The following TRPC6 variants were observed in gnomAD, a reference collection of about 807,000 sequenced individuals.
TRPC6 encodes the protein transient receptor potential cation channel subfamily C member 6, also known as short transient receptor potential channel 6.
A neutral mutation model predicts 90.7 loss-of-function variants in TRPC6; 55 were observed. The ratio of observed to expected loss-of-function variants is 0.61; its 90% CI spans 0.49 to 0.76. TRPC6 has a LOEUF of 0.76. Ranked by LOEUF, TRPC6 falls within the 30% of genes least tolerant of loss-of-function variation. TRPC6 has a pLI of 0.00. For synonymous variants in TRPC6, 393 were observed against 393.0 expected (o/e 1.00, Z 0.00); for missense variants, 989 against 1,122.7 (o/e 0.88, Z 1.70).
chr11:101,553,805 T>G (rs1861503178), intron 1 of TRPC6, among the ~76,000 whole-genome samples: 1 of 152,012 alleles, frequency 6.6e-6, no homozygotes, highest in Non-Finnish European at 1.5e-5. Flanking sequence ...CATACATCAT[T>G]CTCTCCACAA....
At position 101,583,618 on chromosome 11, in the gene TRPC6, C is replaced by T. The variant is rs1488465564; in HGVS notation, c.-115G>A. The stretch of plus-strand genomic sequence containing the variant: ...GCGGCCGAACTGGACCTGGGCAGAC[C>T]GGTGCCCAGGGGACGACGGTGAAGC... On this transcript the variant is annotated 5_prime_UTR_variant, in exon 1 of 13. Coordinates refer to ENST00000344327, the MANE Select transcript of TRPC6 (RefSeq NM_004621.6). The T allele has an allele frequency of 5.0e-6, 6 of 1,204,104 alleles. No homozygotes were observed. The highest frequency in any genetic ancestry group is 3.0e-5 in the East Asian group (1 of 33,466). 74.6% of individuals were successfully genotyped at this position (1,204,104 alleles called of 1,614,324 possible).
rs926174897 is a variant in TRPC6, at chr11:101,476,631, C to T, written c.1511-97G>A. On this transcript the variant is annotated intron_variant, in intron 5 of 12. Coordinates refer to ENST00000344327, the MANE Select transcript of TRPC6 (RefSeq NM_004621.6). The stretch of plus-strand genomic sequence containing the variant: ...TTTGAAAGGTCTCAGCCTGACATTA[C>T]AAAACCCTTCAAAATTTGGTCCCAA... The T allele has an allele frequency of 2.7e-6, 3 of 1,117,404 alleles. No homozygotes were observed. In the East Asian group the frequency reaches 7.5e-5, roughly 28 times the overall value. The allele number at this position is 1,117,404 out of a possible 1,614,324, so 69.2% of individuals were successfully genotyped here.
At chr11:101,579,198 C>G (rs1186433766) in intron 1 of TRPC6, among the ~76,000 whole-genome samples, 1 of 152,070 alleles carries the variant, frequency 6.6e-6, no homozygotes, top group African/African-American at 2.4e-5. Context: ...ATGTTCTAAT[C>G]TGCATTTAGC....
chr11:101,505,441 A>G (rs529084681), intron 1 of TRPC6, among the ~76,000 whole-genome samples: 3 of 152,204 alleles, frequency 2.0e-5, no homozygotes, highest in Non-Finnish European at 4.4e-5. Flanking sequence ...CAAGCTGAAA[A>G]TGGAAGGATA....
intron 1 of TRPC6, among the ~76,000 whole-genome samples, chr11:101,552,439 C>G (rs938756704): frequency 5.3e-5 from 8 of 152,110 alleles, no homozygotes; most frequent in South Asian, 2.1e-4. Flanking sequence ...GTTTATATGT[C>G]AAGAAACAAA....
chr11:101,491,709 G>A lies in TRPC6; in HGVS notation c.975C>T (p.Cys325=), dbSNP rs763969955. The change falls in exon 3 of 13, where the codon TGC becomes TGT. Residue 325 remains cysteine (C), a synonymous_variant. Transcript: ENST00000344327. Reference sequence around the variant, plus strand: ...CAAGGAGTCCAACAACAAAGTCTTTGCACTGCATTGACAGTTTTTTGTAGT... The same window carrying A: ...CAAGGAGTCCAACAACAAAGTCTTTACACTGCATTGACAGTTTTTTGTAGT... ...KNDYKKLSMQ[C]KDFVVGLLDL... The A allele has an allele frequency of 4.3e-6, 7 of 1,613,634 alleles. No homozygotes were observed. In the Admixed American group the frequency reaches 1.2e-4, roughly 27 times the overall value.
intron 1 of TRPC6, among the ~76,000 whole-genome samples, chr11:101,514,161 GTTCA>G (rs762096606): frequency 3.0e-4 from 46 of 152,200 alleles, no homozygotes; most frequent in Non-Finnish European, 2.9e-4. Flanking sequence ...GATCGTAACA[GTTCA>G]TTCATTCATT....
intron 1 of TRPC6, among the ~76,000 whole-genome samples, chr11:101,576,188 C>T (rs1402458970): frequency 6.6e-6 from 1 of 152,242 alleles, no homozygotes; most frequent in East Asian, 1.9e-4. Flanking sequence ...TGAGTAGATG[C>T]TCTGAAGATC....
chr11:101,518,933 C>G (rs1447932754), intron 1 of TRPC6, among the ~76,000 whole-genome samples: 1 of 152,042 alleles, frequency 6.6e-6, no homozygotes. Context: ...TGAAATAAGC[C>G]AGGTACGGAA....
At chr11:101,500,908 A>T (rs1000889851) in intron 2 of TRPC6, among the ~76,000 whole-genome samples, 1 of 152,182 alleles carries the variant, frequency 6.6e-6, no homozygotes, top group Non-Finnish European at 1.5e-5. Context: ...TCCTTTGCAT[A>T]TATCTGAAGG....
At chr11:101,459,561 T>C (rs1858957641) in intron 10 of TRPC6, among the ~76,000 whole-genome samples, 1 of 152,226 alleles carries the variant, frequency 6.6e-6, no homozygotes, top group Non-Finnish European at 1.5e-5. Context: ...ATTTACAATA[T>C]ATAATATACA....
chr11:101,576,376 G>A (rs1027100327), intron 1 of TRPC6, among the ~76,000 whole-genome samples: 1 of 152,200 alleles, frequency 6.6e-6, no homozygotes, highest in Non-Finnish European at 1.5e-5. Context: ...ATGGCTGAGA[G>A]CTGAATTAGG....
chr11:101,515,696 T>C (rs1433911205), intron 1 of TRPC6, among the ~76,000 whole-genome samples: 1 of 152,198 alleles, frequency 6.6e-6, no homozygotes, highest in African/African-American at 2.4e-5. Flanking sequence ...TTACTTGTCA[T>C]AAAGTGAAAT....
chr11:101,556,869 G>A (rs1861571971), intron 1 of TRPC6, among the ~76,000 whole-genome samples: 1 of 152,114 alleles, frequency 6.6e-6, no homozygotes, highest in African/African-American at 2.4e-5. Flanking sequence ...ATGATCAGGT[G>A]GGATTAATTC....
In TRPC6 at chr11:101,452,959, C is replaced by A; in HGVS notation, c.2792G>T (p.Arg931Ile). The A allele has an allele frequency of 6.2e-7, 1 of 1,613,726 alleles. No individual in the cohort carries two copies. The highest frequency in any genetic ancestry group is 8.5e-7 in the Non-Finnish European group (1 of 1,179,752). Reference sequence around the variant, plus strand: ...ATTTCTAAGGAAGTCTTCGCATTATCTATTGGTTTCCTCTTGATTTGGTTC... The same window carrying A: ...ATTTCTAAGGAAGTCTTCGCATTATATATTGGTTTCCTCTTGATTTGGTTC... Reference protein sequence around the residue: ...SMEPNQEETNR With the variant: ...SMEPNQEETNI The change falls in exon 13 of 13, where the codon AGA becomes ATA. Residue 931 changes from arginine to isoleucine, a missense_variant. Arg to Ile is a moderately conservative substitution (Grantham distance 97). Transcript: ENST00000344327.
intron 1 of TRPC6, among the ~76,000 whole-genome samples, chr11:101,546,449 C>G (rs1861310158): frequency 6.6e-6 from 1 of 152,018 alleles, no homozygotes. Context: ...ATGGAGGTTC[C>G]TCGGTAACAA....
In TRPC6 at chr11:101,524,471, G is replaced by A. The variant is rs112854637; in HGVS notation, c.171-19673C>T. ...TCACCATGTTAGCCAGGATGGTCTC[G>A]ATCTCATGACCTCGTGATCCACCCA... On this transcript the variant is annotated intron_variant, in intron 1 of 12. Transcript: ENST00000344327. 4.6e-3 allele frequency among the ~76,000 whole-genome samples: 706 copies of A among 152,230 alleles called. 3 individuals are homozygous for A. Among genetic ancestry groups the A allele is most frequent in the African/African-American group, 0.016 (670 of 41,534 alleles).
chr11:101,555,173 A>G (rs1159423618), intron 1 of TRPC6, among the ~76,000 whole-genome samples: 2 of 152,168 alleles, frequency 1.3e-5, no homozygotes, highest in Non-Finnish European at 2.9e-5. Context: ...ATGATTATAC[A>G]ACTAAATCTC....
chr11:101,480,156 C>T (rs977102192), intron 5 of TRPC6, among the ~76,000 whole-genome samples: 4 of 152,058 alleles, frequency 2.6e-5, no homozygotes, highest in African/African-American at 9.7e-5. Context: ...CCAGCCTGGG[C>T]AGCAAGTGTG....
Sources: allele counts gnomAD v4.1 joint callset (sites outside exome capture counted in the v4.1 genomes callset), GRCh38; gene constraint gnomAD v4.1.1; transcripts MANE v1.5; gene names NCBI Gene and HGNC (gene_info 2026-07-23, HGNC 2026-07-21).